Variants in MICAL3 observed in about 807,000 individuals in gnomAD.
MICAL3 encodes the protein microtubule associated monooxygenase, calponin and LIM domain containing 3, also known as [F-actin]-monooxygenase MICAL3.
A neutral mutation model predicts 207.4 loss-of-function variants in MICAL3; 62 were observed. The ratio of observed to expected loss-of-function variants is 0.30; its 90% CI spans 0.24 to 0.37. MICAL3 has a LOEUF of 0.37. Among genes scored for constraint, MICAL3 ranks in the 10% least tolerant of loss-of-function variants. The probability of loss-of-function intolerance (pLI) is 1.00; values close to 1 mark genes in which losing one functional copy is unlikely to be tolerated. For synonymous variants in MICAL3, 1,077 were observed against 1,069.3 expected (o/e 1.01, Z -0.14); for missense variants, 2,368 against 2,635.6 (o/e 0.90, Z 2.22).
chr22:17,857,511 G>T (rs772231914), intron 19 of MICAL3, among the ~76,000 whole-genome samples: 4 of 152,204 alleles, frequency 2.6e-5, no homozygotes, highest in Non-Finnish European at 4.4e-5. Context: ...CTCTTCTCCC[G>T]CAGGTGCAGG....
chr22:17,832,035 C>T lies in MICAL3; in HGVS notation c.2874G>A (p.Leu958=). ...CGGCCTCCTTCCACGGAACACCACC[C>T]AGGTCAGATGGGGGCAGGCGAGGCT... ...EEEPRLPPSD[L]GGVPWKEAVR... Residue 958 remains leucine, a synonymous_variant, in exon 21 of 32, where the codon CTG becomes CTA. Coordinates refer to ENST00000441493, the MANE Select transcript of MICAL3 (RefSeq NM_015241.3). 1 of 1,606,430 alleles carries T rather than the reference C, an allele frequency of 6.2e-7. No homozygotes were observed. The highest frequency in any genetic ancestry group is 8.5e-7 in the Non-Finnish European group (1 of 1,176,630).
At position 17,827,731 on chromosome 22, in the gene MICAL3, T is replaced by C. The variant is rs747369280; in HGVS notation, c.3106A>G (p.Ile1036Val). The C allele has an allele frequency of 1.9e-6, 3 of 1,570,586 alleles. No homozygotes were observed. Among genetic ancestry groups the C allele is most frequent in the Non-Finnish European group, 2.6e-6 (3 of 1,158,128 alleles). ...QVMHAADPLE[I>V]QADVHWTHIR... ...TGAGTCCAGTGCACGTCAGCCTGGA[T>C]CTCCAGAGGATCCGCCGCGTGCATG... The change falls in exon 22 of 32, where the codon ATC (isoleucine) becomes GTC (valine). Residue 1036 changes from isoleucine to valine, a missense_variant. Ile to Val is a conservative substitution (Grantham distance 29). Transcript: ENST00000441493.
rs62240574 is a variant in MICAL3 at position 17,877,522 on chromosome 22, G to A, written c.2242-5499C>T. 5.9e-3 allele frequency among the ~76,000 whole-genome samples: 303 copies of A among 51,680 alleles called. 6 individuals are homozygous for A. The highest frequency in any genetic ancestry group is 9.4e-3 in the Non-Finnish European group (233 of 24,740). The allele number at this position is 51,680 out of a possible 152,430, so 33.9% of individuals were successfully genotyped here. A position where few individuals can be genotyped will look rare whatever the true frequency, so the allele number is the denominator to read the frequency against. On this transcript the variant is annotated intron_variant, in intron 16 of 31. Coordinates refer to ENST00000441493, the MANE Select transcript of MICAL3 (RefSeq NM_015241.3). ...GAGGTTATGGAGGTTAGGGAGGTTA[G>A]GGAGGTGAGGGAGGTTATGGAGGTG...
intron 1 of MICAL3, among the ~76,000 whole-genome samples, chr22:17,992,524 C>T (rs1023000576): frequency 1.6e-4 from 24 of 152,260 alleles, no homozygotes; most frequent in Admixed American, 1.0e-3. Context: ...GGCTGTCTTA[C>T]CACGTGGCAC....
chr22:18,019,764 C>CT (rs1175061876), intron 1 of MICAL3: 2 of 206,208 alleles, frequency 9.7e-6, no homozygotes, highest in South Asian at 7.9e-5. Flanking sequence ...TGGAATGCGG[C>CT]TTTTTTGGAA....
intron 19 of MICAL3, among the ~76,000 whole-genome samples, chr22:17,850,400 GTTTTTTTTTTTTTTTTTTT>G (rs565667574): frequency 0.027 from 2,038 of 74,484 alleles, 85 homozygotes; most frequent in African/African-American, 0.11. Context: ...TTTTGAATTA[GTTTTTTTTTTTTTTTTTTT>G]TTTTTTTTTG....
intron 1 of MICAL3, among the ~76,000 whole-genome samples, chr22:17,926,004 A>AT (rs1932916379): frequency 1.3e-5 from 2 of 152,252 alleles, no homozygotes; most frequent in African/African-American, 4.8e-5. Flanking sequence ...TTGACTTGGA[A>AT]AACATAAACG....
chr22:17,999,268 T>A (rs1461617597), intron 1 of MICAL3, among the ~76,000 whole-genome samples: 1 of 152,226 alleles, frequency 6.6e-6, no homozygotes, highest in Non-Finnish European at 1.5e-5. Flanking sequence ...GCATGTGCCA[T>A]CCTTCCTTTA....
intron 1 of MICAL3, among the ~76,000 whole-genome samples, chr22:18,017,837 G>A (rs1314784562): frequency 6.7e-6 from 1 of 150,370 alleles, no homozygotes; most frequent in Admixed American, 6.7e-5. Flanking sequence ...TGCAAGCTCC[G>A]CCTCCCAGGT....
At chr22:17,798,564 A>G (rs985274732) in intron 29 of MICAL3, among the ~76,000 whole-genome samples, 1 of 151,890 alleles carries the variant, frequency 6.6e-6, no homozygotes. Context: ...CTGGACTCTC[A>G]TTTCTCACAC....
rs544614641 is a variant in MICAL3, at chr22:18,015,166, T to C, written c.-75+9115A>G. On this transcript the variant is annotated intron_variant, in intron 1 of 31. Coordinates refer to ENST00000441493, the MANE Select transcript of MICAL3 (RefSeq NM_015241.3). ...GCCGTAAGCAAGGACTTCACCAAAG[T>C]TAAATGACAGCAAGAGGAAAGAAAA... is the stretch of plus-strand genomic sequence containing the variant. Among the ~76,000 whole-genome samples the C allele has an allele frequency of 1.5e-3, 224 of 152,276 alleles. 1 individual carries two copies. The highest frequency in any genetic ancestry group is 5.1e-3 in the African/African-American group (214 of 41,556).
intron 29 of MICAL3, among the ~76,000 whole-genome samples, chr22:17,804,670 C>T (rs138789689): frequency 1.3e-5 from 2 of 152,244 alleles, no homozygotes; most frequent in East Asian, 1.9e-4. Flanking sequence ...CTTGAGCAGG[C>T]GGTCCTCATC....
chr22:17,909,523 T>TCAAAA (rs1164710986), intron 1 of MICAL3, among the ~76,000 whole-genome samples: 1 of 152,132 alleles, frequency 6.6e-6, no homozygotes, highest in Non-Finnish European at 1.5e-5. Context: ...AGACCCTGTC[T>TCAAAA]CAAAACAAAA....
chr22:17,974,846 AC>A (rs1181116062), intron 1 of MICAL3, among the ~76,000 whole-genome samples: 1 of 152,170 alleles, frequency 6.6e-6, no homozygotes, highest in Non-Finnish European at 1.5e-5. Context: ...GTTCTCTTGA[AC>A]TTTACACACT....
intron 19 of MICAL3, among the ~76,000 whole-genome samples, chr22:17,855,743 C>T (rs1569096760): frequency 6.6e-6 from 1 of 152,224 alleles, no homozygotes; most frequent in African/African-American, 2.4e-5. Context: ...ATTTAATGTG[C>T]TGTCTTTCCA....
At chr22:17,908,457 G>A (rs560650938) in intron 1 of MICAL3, among the ~76,000 whole-genome samples, 3 of 152,100 alleles carry the variant, frequency 2.0e-5, no homozygotes, top group South Asian at 2.1e-4. Context: ...ACAGGCACCC[G>A]CCACCACGCC....
intron 16 of MICAL3, chr22:17,876,814 A>G (rs1329897184): frequency 1.1e-5 from 1 of 93,234 alleles, no homozygotes; most frequent in Non-Finnish European, 2.4e-5. Context: ...GAGGTTAGGG[A>G]GGTTAGGGAG....
chr22:17,946,010 G>A (rs896560921), intron 1 of MICAL3, among the ~76,000 whole-genome samples: 2 of 152,202 alleles, frequency 1.3e-5, no homozygotes, highest in African/African-American at 4.8e-5. Flanking sequence ...TCAAAATCCA[G>A]ATTGAAAGTC....
At chr22:17,868,737 C>T (rs868231995) in intron 17 of MICAL3, among the ~76,000 whole-genome samples, 1 of 152,164 alleles carries the variant, frequency 6.6e-6, no homozygotes, top group Admixed American at 6.5e-5. Flanking sequence ...GGCCACAGGG[C>T]AAACCCAAGG....
Sources: gnomAD v4.1 joint callset for allele counts (sites outside exome capture counted in the v4.1 genomes callset) on GRCh38, gnomAD v4.1.1 for gene constraint, MANE v1.5 for transcripts, NCBI Gene and HGNC (gene_info 2026-07-23, HGNC 2026-07-21) for gene names.